Variants in PODNL1 observed in about 807,000 individuals in gnomAD.
PODNL1 encodes podocan-like protein 1.
Under a neutral mutation model 45.1 loss-of-function variants are expected in PODNL1, and 50 were observed. That is an observed-to-expected ratio of 1.11 (90% CI 0.88 to 1.40). PODNL1 has a LOEUF of 1.40. Among genes scored for constraint, PODNL1 ranks in the 40% most tolerant of loss-of-function variants. The probability of loss-of-function intolerance (pLI) is 0.00; values close to 1 mark genes in which losing one functional copy is unlikely to be tolerated. For synonymous variants in PODNL1, 406 were observed against 372.5 expected (o/e 1.09, Z -1.04); for missense variants, 788 against 793.3 (o/e 0.99, Z 0.08).
At chr19:13,935,652 T>C in intron 5 of PODNL1, 69 bp downstream of exon 5, 1 of 1,218,488 alleles carries the variant, frequency 8.2e-7, no homozygotes, top group East Asian at 2.6e-5. Flanking sequence ...ACTCCCTCAT[T>C]GCTCCTAGAA....
intron 2 of PODNL1, 25 bp downstream of exon 2, chr19:13,937,760 C>A: frequency 6.4e-7 from 1 of 1,554,826 alleles, no homozygotes; most frequent in Non-Finnish European, 8.7e-7. Context: ...CCCTGCATGC[C>A]CCCACTCCCC....
intron 8 of PODNL1, 144 bp downstream of exon 8, chr19:13,932,654 C>T (rs376786610): frequency 1.4e-5 from 21 of 1,546,790 alleles, no homozygotes; most frequent in African/African-American, 4.1e-5. Flanking sequence ...CCTCACCCAG[C>T]CTCCTCATCA....
chr19:13,953,077 C>T, intron 1 of PODNL1: 1 of 1,550,602 alleles, frequency 6.4e-7, no homozygotes, highest in Non-Finnish European at 8.7e-7. Context: ...GTTCCTCTCC[C>T]TGCCCAAGCC....
chr19:13,939,250 C>T (rs1206452684), upstream of PODNL1, among the ~76,000 whole-genome samples: 3 of 152,166 alleles, frequency 2.0e-5, no homozygotes, highest in Non-Finnish European at 2.9e-5. Flanking sequence ...GTCACTCTGT[C>T]GCCTAGGCTG....
At chr19:13,946,621 G>C (rs1972822365) in intron 1 of PODNL1, among the ~76,000 whole-genome samples, 1 of 152,114 alleles carries the variant, frequency 6.6e-6, no homozygotes, top group Non-Finnish European at 1.5e-5. Context: ...GCCCCATCCT[G>C]TTTTATGGCC....
In PODNL1 at chr19:13,937,835, G is replaced by C. The variant is rs566814699; in HGVS notation, c.175C>G (p.Arg59Gly). ...DTVDCDGLDLRVFPDNITRAA... is the reference protein window; with the variant it reads ...DTVDCDGLDLGVFPDNITRAA... ...CTGGTGATGTTGTCCGGGAACACTC[G>C]AAGGTCCAAGCCATCACAGTCCACA... Residue 59 changes from arginine (R) to glycine (G), a missense_variant, in exon 2 of 10, where the codon CGA becomes GGA. Arg to Gly is a moderately radical substitution (Grantham distance 125, BLOSUM62 -2). Around this residue, in one of 3 missense-constraint regions of PODNL1, gnomAD observed 762 missense variants for 750.9 expected, o/e 1.01. Transcript: ENST00000588872. 6.3e-7 allele frequency: 1 copy of C among 1,596,556 alleles called. No individual in the cohort carries two copies. The highest frequency in any genetic ancestry group is 2.3e-5 in the East Asian group (1 of 44,244).
upstream of PODNL1, among the ~76,000 whole-genome samples, chr19:13,939,457 C>G (rs1243469079): frequency 6.6e-6 from 1 of 152,100 alleles, no homozygotes; most frequent in Non-Finnish European, 1.5e-5. Flanking sequence ...GGTGATTTGC[C>G]CACCTTGGCC....
chr19:13,952,819 C>T (rs1973128329), intron 1 of PODNL1, among the ~76,000 whole-genome samples: 1 of 106,520 alleles, frequency 9.4e-6, no homozygotes, highest in Non-Finnish European at 1.9e-5. Flanking sequence ...GGAGGGGGCT[C>T]AGTTGGGGGC....
intron 1 of PODNL1, among the ~76,000 whole-genome samples, chr19:13,948,749 C>CT (rs1445799731): frequency 8.2e-6 from 1 of 122,508 alleles, no homozygotes; most frequent in Middle Eastern, 5.3e-3. Context: ...ACCGTCCTGG[C>CT]TAACATGGTG....
upstream of PODNL1, among the ~76,000 whole-genome samples, chr19:13,940,682 A>T (rs1972629403): frequency 6.6e-6 from 1 of 151,800 alleles, no homozygotes; most frequent in African/African-American, 2.4e-5. Flanking sequence ...CAGGAGTTCG[A>T]GACCAGCCTG....
rs1452976415 is a variant in PODNL1, at chr19:13,931,703, G to C, written c.*34C>G. ...CAGTCCACGGCCCAGCGGAGTCCCAGGAGTCTGAGCTGCTCTGCTGGGCCT... is the reference window on the plus strand; with the variant it reads ...CAGTCCACGGCCCAGCGGAGTCCCACGAGTCTGAGCTGCTCTGCTGGGCCT... On this transcript the variant is annotated 3_prime_UTR_variant, in exon 10 of 10. Coordinates refer to ENST00000588872, the MANE Select transcript of PODNL1 (RefSeq NM_001370095.3). 1.2e-5 allele frequency: 15 copies of C among 1,231,618 alleles called. No individual in the cohort carries two copies. 76.3% of individuals were successfully genotyped at this position (1,231,618 alleles called of 1,614,324 possible).
chr19:13,952,415 C>G (rs558961093), intron 1 of PODNL1: 2 of 1,234,044 alleles, frequency 1.6e-6, no homozygotes, highest in African/African-American at 3.1e-5. Flanking sequence ...GGCTTTCGCC[C>G]AACCGGCGGG....
Position 13,934,304 on chromosome 19 carries a change from T to A in PODNL1, c.601A>T (p.Ser201Cys). 1 of 1,543,632 alleles carries A rather than the reference T, an allele frequency of 6.5e-7. No homozygotes were observed. The highest frequency in any genetic ancestry group is 8.7e-7 in the Non-Finnish European group (1 of 1,147,370). The change falls in exon 6 of 10, where the codon AGC becomes TGC. Residue 201 changes from serine (S) to cysteine (C), a missense_variant. Coordinates refer to ENST00000588872, the MANE Select transcript of PODNL1 (RefSeq NM_001370095.3). ...GGCGGCAGGCTGGGCGGCAGGTAGC[T>A]GAGCTGGTTGTTGGAGAGGCTGAGG... The part of the protein sequence containing the change: ...ATLSLSNNQL[S>C]YLPPSLPPSL...
intron 1 of PODNL1, among the ~76,000 whole-genome samples, chr19:13,948,741 C>T (rs887825164): frequency 2.8e-5 from 4 of 143,128 alleles, no homozygotes; most frequent in Admixed American, 1.4e-4. Context: ...CCATCCTGAC[C>T]GTCCTGGCTA....
intron 1 of PODNL1, among the ~76,000 whole-genome samples, chr19:13,950,718 G>C (rs1972973542): frequency 6.6e-6 from 1 of 152,118 alleles, no homozygotes; most frequent in Non-Finnish European, 1.5e-5. Flanking sequence ...TGGACGTAGG[G>C]TATGCAAGAA....
intron 1 of PODNL1, among the ~76,000 whole-genome samples, chr19:13,948,062 C>T (rs1334204377): frequency 6.6e-6 from 1 of 152,032 alleles, no homozygotes; most frequent in Non-Finnish European, 1.5e-5. Context: ...ACTATGTTGC[C>T]CAGGTTGGTC....
At chr19:13,939,186 G>A (rs759552973), upstream of PODNL1, among the ~76,000 whole-genome samples, 1 of 152,058 alleles carries the variant, frequency 6.6e-6, no homozygotes, top group Non-Finnish European at 1.5e-5. Context: ...CAGTGCTTTG[G>A]GAAGCTGAGA....
chr19:13,933,250 C>A lies in PODNL1; in HGVS notation c.973G>T (p.Ala325Ser), dbSNP rs981742518. The A allele has an allele frequency of 5.2e-6, 8 of 1,549,038 alleles. No homozygotes were observed. In the Admixed American group the frequency reaches 7.7e-5, roughly 15 times the overall value. ...QLGSSGLPAG[A>S]LRPLRGLHTL... ...TGCAGGCCCCGCAGCGGCCGCAGAG[C>A]CCCGGCGGGCAGCCCTGAGCTCCCC... Residue 325 changes from alanine (A) to serine (S), a missense_variant, in exon 8 of 10, where the codon GCT becomes TCT. Coordinates refer to ENST00000588872, the MANE Select transcript of PODNL1 (RefSeq NM_001370095.3). This position sits in a 1 kb window ranked among gnomAD's most constrained non-coding sequence, Gnocchi z 5.2.
rs1972526254 is a variant in PODNL1 at position 13,938,403 on chromosome 19, A to G, written c.-222T>C. On this transcript the variant is annotated 5_prime_UTR_variant, in exon 1 of 10. Transcript: ENST00000588872. ...GGGCAGGCGGCCGGATGGGGTGGTG[A>G]GGACAGGCCAGCCCGTCCCCTTGGT... is the stretch of plus-strand genomic sequence containing the variant. 1.5e-6 allele frequency: 2 copies of G among 1,374,122 alleles called. No individual in the cohort carries two copies. The highest frequency in any genetic ancestry group is 1.5e-5 in the African/African-American group (1 of 68,542). 85.1% of individuals were successfully genotyped at this position (1,374,122 alleles called of 1,614,324 possible). A position where few individuals can be genotyped will look rare whatever the true frequency, so the allele number is the denominator to read the frequency against.
Sources: allele counts gnomAD v4.1 joint callset (sites outside exome capture counted in the v4.1 genomes callset), GRCh38; gene constraint gnomAD v4.1.1; regional missense constraint gnomAD v4.1.1; non-coding constraint Gnocchi (gnomAD v3.1); transcripts MANE v1.5; gene names NCBI Gene and HGNC (gene_info 2026-07-23, HGNC 2026-07-21).